Variants in HGS observed in about 807,000 individuals in gnomAD.
HGS encodes hepatocyte growth factor-regulated tyrosine kinase substrate.
Under a neutral mutation model 109.7 loss-of-function variants are expected in HGS, and 63 were observed. The ratio of observed to expected loss-of-function variants is 0.57; its 90% confidence interval spans 0.47 to 0.71. The LOEUF is 0.71. Ranked by LOEUF, HGS falls within the 30% of genes least tolerant of loss-of-function variation. The pLI is 0.00. For missense variants in HGS, 995 were observed against 1,068.3 expected (o/e 0.93, Z 0.96); for synonymous variants, 546 against 437.3 (o/e 1.25, Z -3.10).
chr17:81,692,201 C>T (rs780052186), intron 8 of HGS: 10 of 152,660 alleles, frequency 6.6e-5, no homozygotes, highest in Non-Finnish European at 1.0e-4. Flanking sequence ...TGCCGTGGTC[C>T]CAGCAGCGTC....
At chr17:81,690,966 T>G in intron 7 of HGS, 1 of 532,560 alleles carries the variant, frequency 1.9e-6, no homozygotes, top group Non-Finnish European at 3.3e-6. Flanking sequence ...TCTGGAATTA[T>G]AATGTTTTAA....
At chr17:81,699,053 C>T (rs2037194452) in intron 18 of HGS, among the ~76,000 whole-genome samples, 2 of 147,952 alleles carry the variant, frequency 1.4e-5, no homozygotes, top group South Asian at 4.3e-4. Flanking sequence ...GGTGACAGAG[C>T]GAGACTCCGT....
chr17:81,699,193 T>C (rs1316136451), intron 18 of HGS, among the ~76,000 whole-genome samples: 1 of 152,272 alleles, frequency 6.6e-6, no homozygotes, highest in African/African-American at 2.4e-5. Context: ...AAAGTAGTTT[T>C]AAGAATGCTA....
intron 6 of HGS, 63 bp from the exon 7 acceptor site, chr17:81,690,611 G>A: frequency 6.6e-7 from 1 of 1,508,382 alleles, no homozygotes; most frequent in Non-Finnish European, 9.1e-7. Flanking sequence ...GGCAGGGGAG[G>A]CTCTGTGCCT....
intron 18 of HGS, chr17:81,697,207 C>T (rs897577700): frequency 1.1e-5 from 6 of 560,132 alleles, no homozygotes; most frequent in African/African-American, 3.8e-5. Context: ...GCAGGTACTG[C>T]CCTCTCCCCT....
chr17:81,697,459 C>A (rs1315056647), intron 18 of HGS: 1 of 154,626 alleles, frequency 6.5e-6, no homozygotes, highest in Non-Finnish European at 1.4e-5. Context: ...CCGTCCTCAG[C>A]TCAGGTTTGT....
intron 2 of HGS, 39 bp downstream of exon 2, chr17:81,685,728 GC>G (rs1374250514): frequency 6.5e-7 from 1 of 1,538,342 alleles, no homozygotes; most frequent in African/African-American, 1.4e-5. Flanking sequence ...CGGAGGAGCA[GC>G]CGTGCACTAA....
intron 18 of HGS, among the ~76,000 whole-genome samples, chr17:81,700,129 G>A (rs2037211445): frequency 6.6e-6 from 1 of 151,902 alleles, no homozygotes; most frequent in Non-Finnish European, 1.5e-5. Flanking sequence ...CACTTTGGGA[G>A]GCCGAGGCGG....
Position 81,701,627 on chromosome 17 carries a change from A to T in HGS, c.*9A>T, listed in dbSNP as rs1342204823. ...TCATTTCATTCGACTGACCCAGGCC[A>T]TGCTCACGTCCGGAGTAACACTACA... On this transcript the variant is annotated 3_prime_UTR_variant, in exon 22 of 22. Coordinates refer to ENST00000329138, the MANE Select transcript of HGS (RefSeq NM_004712.5). 1 of 1,552,320 alleles carries T rather than the reference A, an allele frequency of 6.4e-7. No individual in the cohort carries two copies. The highest frequency in any genetic ancestry group is 2.4e-5 in the East Asian group (1 of 41,766).
At chr17:81,696,315 CTG>C (rs1331255674) in intron 15 of HGS, 40 bp from the exon 16 acceptor site, 3 of 1,489,998 alleles carry the variant, frequency 2.0e-6, no homozygotes, top group Admixed American at 2.6e-5. Context: ...CTTCTCGGCA[CTG>C]TGCCGGAGTG....
chr17:81,697,125 G>C, intron 18 of HGS, 127 bp downstream of exon 18: 1 of 1,044,968 alleles, frequency 9.6e-7, no homozygotes, highest in Non-Finnish European at 1.3e-6. Context: ...TGTTGTCCCT[G>C]CTTTTTCCTG....
intron 5 of HGS, 142 bp downstream of exon 5, chr17:81,688,969 G>A: frequency 2.6e-6 from 3 of 1,171,082 alleles, no homozygotes; most frequent in Non-Finnish European, 3.7e-6. Context: ...TGGAGCCAGG[G>A]AAGACCGTGC....
intron 21 of HGS, 179 bp downstream of exon 21, chr17:81,701,310 C>T (rs868265043): frequency 1.4e-5 from 11 of 787,236 alleles, no homozygotes; most frequent in Admixed American, 4.9e-5. Context: ...AGGGCAGATA[C>T]GCGCATCCGC....
intron 15 of HGS, 147 bp from the exon 16 acceptor site, chr17:81,696,210 C>T (rs2037144706): frequency 1.9e-6 from 2 of 1,075,404 alleles, no homozygotes; most frequent in Non-Finnish European, 1.3e-6. Flanking sequence ...GCCCAGGACC[C>T]TCTGCCTGCC....
Position 81,696,028 on chromosome 17 carries a change from T to C in HGS, c.1393+29T>C, listed in dbSNP as rs1352262236. 5 of 1,519,312 alleles carry C rather than the reference T, an allele frequency of 3.3e-6. No individual in the cohort carries two copies. In the African/African-American group the frequency reaches 6.9e-5, roughly 21 times the overall value. The allele number at this position is 1,519,312 out of a possible 1,614,324, so 94.1% of individuals were successfully genotyped here. A position where few individuals can be genotyped will look rare whatever the true frequency, so the allele number is the denominator to read the frequency against. ...GGTGCCCGCGCCACGGGGCCTCGGCTCAGGGGCAGCCAGGTGTTGTGAGCG... is the reference window on the plus strand; with the variant it reads ...GGTGCCCGCGCCACGGGGCCTCGGCCCAGGGGCAGCCAGGTGTTGTGAGCG... On this transcript the variant is annotated intron_variant, in intron 15 of 21. Coordinates refer to ENST00000329138, the MANE Select transcript of HGS (RefSeq NM_004712.5).
In HGS at chr17:81,684,031, A is replaced by C; in HGVS notation, c.-36A>C. On this transcript the variant is annotated 5_prime_UTR_variant, in exon 1 of 22. Transcript: ENST00000329138. ...GGGGCGCGCCAGCTCGTAGCAGGGG[A>C]GCGCCCGCGGCGTCGGGTTTGGGCT... 6.3e-7 allele frequency: 1 copy of C among 1,577,902 alleles called. No individual in the cohort carries two copies.
In HGS at chr17:81,695,004, G is replaced by T. The variant is rs368842202; in HGVS notation, c.1056G>T (p.Val352=). ...ARKSPTPSAP[V]PLTEPAAQPG... ...AGAGCCCCACGCCATCTGCGCCCGT[G>T]CCCCTGACGGAGCCGGCTGCACAGC... The change falls in exon 13 of 22, where the codon GTG becomes GTT. Residue 352 remains valine, a synonymous_variant. Transcript: ENST00000329138. 3 of 1,613,954 alleles carry T rather than the reference G, an allele frequency of 1.9e-6. No individual in the cohort carries two copies. Among genetic ancestry groups the T allele is most frequent in the Middle Eastern group, 1.6e-4 (1 of 6,084 alleles).
At chr17:81,700,873 A>C (rs2037227092) in intron 20 of HGS, 59 bp downstream of exon 20, 1 of 1,586,120 alleles carries the variant, frequency 6.3e-7, no homozygotes, top group Non-Finnish European at 8.6e-7. Flanking sequence ...GATGATGCTG[A>C]GGGTCCTTTG....
chr17:81,695,406 C>T (rs1598748570), intron 14 of HGS, among the ~76,000 whole-genome samples, 183 bp downstream of exon 14: 1 of 152,354 alleles, frequency 6.6e-6, no homozygotes, highest in East Asian at 1.9e-4. Flanking sequence ...AAACTCTACA[C>T]CAGGCTGTGG....
Sources: gnomAD v4.1 joint callset for allele counts (sites outside exome capture counted in the v4.1 genomes callset) on GRCh38, gnomAD v4.1.1 for gene constraint, MANE v1.5 for transcripts, NCBI Gene and HGNC (gene_info 2026-07-23, HGNC 2026-07-21) for gene names.